The following KCNIP4 variants were observed in gnomAD, a reference collection of about 807,000 sequenced individuals.
KCNIP4 encodes Kv channel-interacting protein 4.
KCNIP4 carries 12 observed loss-of-function variants against 34.0 expected under a neutral mutation model. That is an observed-to-expected ratio of 0.35 (90% CI 0.23 to 0.57). The LOEUF (loss-of-function observed/expected upper bound fraction) is 0.57. Ranked by LOEUF, KCNIP4 falls within the 20% of genes least tolerant of loss-of-function variation. KCNIP4 has a pLI of 0.83. For missense variants in KCNIP4, 238 were observed against 311.7 expected (o/e 0.76, Z 1.78); for synonymous variants, 124 against 102.2 (o/e 1.21, Z -1.29).
At chr4:21,483,981 T>G (rs1731685645) in intron 1 of KCNIP4, among the ~76,000 whole-genome samples, 2 of 148,910 alleles carry the variant, frequency 1.3e-5, no homozygotes, top group South Asian at 4.3e-4. Flanking sequence ...CTGTACAGCC[T>G]GCAGAACCAT....
In KCNIP4 at chr4:21,016,284, CTTTTCTTTTTTTCTT is replaced by C. The variant is rs1376477063; in HGVS notation, c.62-133590_62-133576del. 3.8e-3 allele frequency among the ~76,000 whole-genome samples: 577 copies of C among 150,308 alleles called. 3 individuals are homozygous for C. Among genetic ancestry groups the C allele is most frequent in the African/African-American group, 0.013 (543 of 41,114 alleles). ...ACCTGGCATGCTGTAAGCTTTATTTCTTTTCTTTTTTTCTTTTTTCTTTTTTTTTTTTGAGACGGA... is the reference window on the plus strand; with the variant it reads ...ACCTGGCATGCTGTAAGCTTTATTTCTTTTCTTTTTTTTTTTTGAGACGGA... On this transcript the variant is annotated intron_variant, in intron 1 of 8. Transcript: ENST00000382152.
At chr4:21,799,130 TA>T (rs1217660616) in intron 1 of KCNIP4, among the ~76,000 whole-genome samples, 2 of 152,148 alleles carry the variant, frequency 1.3e-5, no homozygotes, top group Non-Finnish European at 2.9e-5. Flanking sequence ...CCATTAATAA[TA>T]ATAAGAGGTG....
intron 1 of KCNIP4, among the ~76,000 whole-genome samples, chr4:21,418,913 A>G (rs1370375120): frequency 6.6e-6 from 1 of 152,208 alleles, no homozygotes; most frequent in East Asian, 1.9e-4. Context: ...GTGTGGTTGT[A>G]AAGTAGAATG....
intron 1 of KCNIP4, among the ~76,000 whole-genome samples, chr4:21,064,692 T>C (rs1235661219): frequency 1.3e-5 from 2 of 152,142 alleles, no homozygotes; most frequent in East Asian, 3.8e-4. Context: ...GCTGTAATAA[T>C]AATTACTTAT....
At chr4:20,827,950 T>A (rs1717960572) in intron 3 of KCNIP4, among the ~76,000 whole-genome samples, 1 of 152,138 alleles carries the variant, frequency 6.6e-6, no homozygotes, top group East Asian at 1.9e-4. Context: ...CCTGCTAATA[T>A]CACTGGCTTC....
intron 1 of KCNIP4, among the ~76,000 whole-genome samples, chr4:21,155,620 G>A (rs1003444738): frequency 4.6e-5 from 7 of 152,236 alleles, no homozygotes; most frequent in South Asian, 2.1e-4. Flanking sequence ...GCCATCATTC[G>A]GAAGGAGTCA....
rs190584304 is a variant in KCNIP4, at chr4:21,022,595, A to G, written c.62-139886T>C. Among the ~76,000 whole-genome samples, 358 of 152,356 alleles carry G rather than the reference A, an allele frequency of 2.3e-3. 1 individual carries two copies. The highest frequency in any genetic ancestry group is 8.1e-3 in the African/African-American group (339 of 41,598). ...AGGAATTTAAATCTAGAATTAGAAC[A>G]TATGAGCAAGAAAATTTGATTTCTT... is the stretch of plus-strand genomic sequence containing the variant. On this transcript the variant is annotated intron_variant, in intron 1 of 8. Coordinates refer to ENST00000382152, the MANE Select transcript of KCNIP4 (RefSeq NM_025221.6).
intron 1 of KCNIP4, among the ~76,000 whole-genome samples, chr4:21,122,905 A>G (rs1244593935): frequency 1.3e-5 from 2 of 152,112 alleles, no homozygotes; most frequent in Admixed American, 6.6e-5. Flanking sequence ...CCTTTAAGCT[A>G]CTGGTTAAAA....
At chr4:21,500,616 A>G (rs566212165) in intron 1 of KCNIP4, among the ~76,000 whole-genome samples, 2 of 152,258 alleles carry the variant, frequency 1.3e-5, no homozygotes, top group South Asian at 4.1e-4. Flanking sequence ...ACTTGTTTAA[A>G]TGTATGCAAA....
At chr4:20,861,717 T>C (rs981342056) in intron 2 of KCNIP4, among the ~76,000 whole-genome samples, 12 of 152,124 alleles carry the variant, frequency 7.9e-5, no homozygotes, top group African/African-American at 2.9e-4. Flanking sequence ...CAATTTCCAT[T>C]CTAGGAGAAT....
intron 1 of KCNIP4, among the ~76,000 whole-genome samples, chr4:21,071,474 A>G (rs1345820620): frequency 6.6e-6 from 1 of 152,088 alleles, no homozygotes; most frequent in East Asian, 1.9e-4. Context: ...ACCACACAGG[A>G]CTATTGCTAT....
intron 1 of KCNIP4, among the ~76,000 whole-genome samples, chr4:21,129,138 G>T (rs1354527315): frequency 6.6e-6 from 1 of 152,288 alleles, no homozygotes; most frequent in East Asian, 1.9e-4. Context: ...AGATCTCATG[G>T]TTTTATAAAT....
chr4:20,803,701 G>GAA (rs1329868909), intron 3 of KCNIP4, among the ~76,000 whole-genome samples: 1 of 93,568 alleles, frequency 1.1e-5, no homozygotes, highest in Non-Finnish European at 2.0e-5. Flanking sequence ...GAGAGAGAGA[G>GAA]AAAGAGAGAG....
intron 1 of KCNIP4, among the ~76,000 whole-genome samples, chr4:21,709,465 A>G (rs1713545397): frequency 6.6e-6 from 1 of 152,222 alleles, no homozygotes; most frequent in Non-Finnish European, 1.5e-5. Flanking sequence ...AAGGAGACAG[A>G]GGTGCCCTAC....
chr4:21,315,793 G>C (rs1713685334), intron 1 of KCNIP4, among the ~76,000 whole-genome samples: 1 of 152,104 alleles, frequency 6.6e-6, no homozygotes, highest in Admixed American at 6.6e-5. Context: ...TCTACCCACT[G>C]TATACCTTGT....
intron 1 of KCNIP4, among the ~76,000 whole-genome samples, chr4:21,320,183 C>T (rs953062559): frequency 1.3e-5 from 2 of 152,172 alleles, no homozygotes; most frequent in Non-Finnish European, 2.9e-5. Context: ...ACAACAAACA[C>T]AATTTCATCT....
intron 1 of KCNIP4, chr4:21,847,532 G>A (rs542726083): frequency 1.4e-4 from 22 of 152,184 alleles, no homozygotes; most frequent in Admixed American, 1.0e-3. Flanking sequence ...AACCAATTAC[G>A]CAGGAATATT....
intron 1 of KCNIP4, among the ~76,000 whole-genome samples, chr4:21,892,550 T>TAAAAA (rs35105632): frequency 9.5e-5 from 12 of 126,368 alleles, no homozygotes; most frequent in Admixed American, 1.6e-4. Context: ...AGCAAAAAAG[T>TAAAAA]AAAAAAAAAA....
At chr4:20,844,820 G>A (rs1720171866) in intron 3 of KCNIP4, among the ~76,000 whole-genome samples, 1 of 152,122 alleles carries the variant, frequency 6.6e-6, no homozygotes, top group South Asian at 2.1e-4. Context: ...TGAATGGGGT[G>A]GAAAAGCCCC....
Sources: allele counts gnomAD v4.1 joint callset (sites outside exome capture counted in the v4.1 genomes callset), GRCh38; gene constraint gnomAD v4.1.1; transcripts MANE v1.5; gene names NCBI Gene and HGNC (gene_info 2026-07-23, HGNC 2026-07-21).